The following ANTXR2 variants were observed in gnomAD, a reference collection of about 807,000 sequenced individuals.
ANTXR2 encodes the protein ANTXR cell adhesion molecule 2.
Under a neutral mutation model 73.7 loss-of-function variants are expected in ANTXR2, and 44 were observed. The observed-to-expected ratio is 0.60, with a 90% CI of 0.47 to 0.77. The LOEUF is 0.77. Among genes scored for constraint, ANTXR2 ranks in the 30% least tolerant of loss-of-function variants. The pLI is 0.00. For synonymous variants in ANTXR2, 217 were observed against 205.9 expected (o/e 1.05, Z -0.46); for missense variants, 604 against 592.5 (o/e 1.02, Z -0.20).
chr4:79,919,624 A>G (rs560129572), intron 16 of ANTXR2, among the ~76,000 whole-genome samples: 37 of 151,560 alleles, frequency 2.4e-4, no homozygotes, highest in Middle Eastern at 6.8e-3. Context: ...CGAACATCAG[A>G]CTCTGAGTTC....
chr4:80,048,033 T>A (rs1298305855), intron 7 of ANTXR2, among the ~76,000 whole-genome samples: 2 of 151,650 alleles, frequency 1.3e-5, no homozygotes. Context: ...ATACCATAAC[T>A]ACATTAGAAA....
At position 79,904,037 on chromosome 4, in the gene ANTXR2, CA is replaced by C. The variant is rs1376270352; in HGVS notation, c.*3391del. On this transcript the variant is annotated 3_prime_UTR_variant, in exon 17 of 17. Transcript: ENST00000403729. ...AATTACATTCTGCCTTCTTAAATTT[CA>C]AAAATAACATATATAAGCTGGTCTA... 1.3e-5 allele frequency: 2 copies of C among 152,024 alleles called. No homozygotes were observed. Among genetic ancestry groups the C allele is most frequent in the Non-Finnish European group, 2.9e-5 (2 of 67,964 alleles). 9.4% of individuals were successfully genotyped at this position (152,024 alleles called of 1,614,324 possible). A position where few individuals can be genotyped will look rare whatever the true frequency, so the allele number is the denominator to read the frequency against.
intron 7 of ANTXR2, among the ~76,000 whole-genome samples, chr4:80,045,028 A>G (rs974928981): frequency 6.6e-6 from 1 of 151,858 alleles, no homozygotes; most frequent in African/African-American, 2.4e-5. Flanking sequence ...TGAATTAATC[A>G]AAGCATATTT....
intron 11 of ANTXR2, among the ~76,000 whole-genome samples, chr4:80,008,955 A>G (rs1731438939): frequency 6.6e-6 from 1 of 152,234 alleles, no homozygotes; most frequent in Admixed American, 6.5e-5. Flanking sequence ...ATTTTGGTTC[A>G]AAGCAAATTA....
intron 12 of ANTXR2, among the ~76,000 whole-genome samples, chr4:80,002,807 A>G (rs1286290270): frequency 2.0e-5 from 3 of 151,692 alleles, no homozygotes; most frequent in Non-Finnish European, 4.4e-5. Context: ...AACACATGAA[A>G]AAATGCTCAC....
chr4:79,996,878 C>T (rs1009724657), intron 12 of ANTXR2, among the ~76,000 whole-genome samples: 3 of 151,918 alleles, frequency 2.0e-5, no homozygotes, highest in African/African-American at 7.2e-5. Context: ...ATTTTTTCCA[C>T]TTAGCATCCT....
At chr4:80,019,184 T>C (rs1055642285) in intron 10 of ANTXR2, among the ~76,000 whole-genome samples, 3 of 152,004 alleles carry the variant, frequency 2.0e-5, no homozygotes, top group African/African-American at 7.2e-5. Flanking sequence ...ATGGCCAACA[T>C]AGTGAAACCC....
Position 80,018,928 on chromosome 4 carries a change from T to A in ANTXR2, c.915A>T (p.Ser305=). 1 of 1,519,980 alleles carries A rather than the reference T, an allele frequency of 6.6e-7. No homozygotes were observed. The highest frequency in any genetic ancestry group is 8.8e-7 in the Non-Finnish European group (1 of 1,136,832). 94.2% of individuals were successfully genotyped at this position (1,519,980 alleles called of 1,614,324 possible). A position where few individuals can be genotyped will look rare whatever the true frequency, so the allele number is the denominator to read the frequency against. The change falls in exon 11 of 17, where the codon TCA becomes TCT. Residue 305 remains serine, a synonymous_variant. Coordinates refer to ENST00000403729, the MANE Select transcript of ANTXR2 (RefSeq NM_058172.6). ...VSFNGGKSVI[S]GSLIVTATEC... The stretch of plus-strand genomic sequence containing the variant: ...CTGTGGCTGTGACAATTAATGATCC[T>A]GAAATGACAGATTTTCCTCCATTAA...
Position 80,072,735 on chromosome 4 carries a change from G to T in ANTXR2, c.-175C>A, listed in dbSNP as rs1286242695. The T allele has an allele frequency of 3.0e-6, 4 of 1,332,274 alleles. No individual in the cohort carries two copies. The highest frequency in any genetic ancestry group is 3.8e-6 in the Non-Finnish European group (4 of 1,046,210). 82.5% of individuals were successfully genotyped at this position (1,332,274 alleles called of 1,614,324 possible). A position where few individuals can be genotyped will look rare whatever the true frequency, so the allele number is the denominator to read the frequency against. The stretch of plus-strand genomic sequence containing the variant: ...AGCTGACAGGGAGGGAGAGAGGGAG[G>T]TCCTGAGAGGACAAAGGGAGTCTCC... On this transcript the variant is annotated 5_prime_UTR_variant, in exon 1 of 17. Coordinates refer to ENST00000403729, the MANE Select transcript of ANTXR2 (RefSeq NM_058172.6).
At chr4:79,921,610 A>C (rs1307247317) in intron 16 of ANTXR2, among the ~76,000 whole-genome samples, 2 of 152,092 alleles carry the variant, frequency 1.3e-5, no homozygotes, top group African/African-American at 2.4e-5. Context: ...CTTTGTAGAA[A>C]TGTATAGTTT....
chr4:79,901,236 A>G lies in ANTXR2; in HGVS notation c.*6193T>C, dbSNP rs1211997708. ...CAGAATTTCAACTAGTAAAAATTCT[A>G]TTTACAGGTGTCATCTGCTAGAACT... On this transcript the variant is annotated 3_prime_UTR_variant, in exon 17 of 17. Coordinates refer to ENST00000403729, the MANE Select transcript of ANTXR2 (RefSeq NM_058172.6). 6.6e-6 allele frequency: 1 copy of G among 152,136 alleles called. No homozygotes were observed. Among genetic ancestry groups the G allele is most frequent in the Non-Finnish European group, 1.5e-5 (1 of 68,022 alleles). The allele number at this position is 152,136 out of a possible 1,614,324, so 9.4% of individuals were successfully genotyped here. A position where few individuals can be genotyped will look rare whatever the true frequency, so the allele number is the denominator to read the frequency against.
intron 7 of ANTXR2, among the ~76,000 whole-genome samples, 171 bp from the exon 8 acceptor site, chr4:80,036,203 A>G (rs890005567): frequency 6.6e-6 from 1 of 152,142 alleles, no homozygotes; most frequent in Non-Finnish European, 1.5e-5. Context: ...AAACTTCTGC[A>G]CTGTATTTCA....
At chr4:80,004,679 C>A (rs1459551401) in intron 12 of ANTXR2, among the ~76,000 whole-genome samples, 1 of 152,136 alleles carries the variant, frequency 6.6e-6, no homozygotes, top group Non-Finnish European at 1.5e-5. Context: ...CCATCTAGAT[C>A]ATCCTGAATA....
Position 80,055,436 on chromosome 4 carries a change from A to T in ANTXR2, c.410T>A (p.Leu137Ter). The T allele has an allele frequency of 1.9e-6, 3 of 1,610,806 alleles. No homozygotes were observed. The highest frequency in any genetic ancestry group is 2.5e-6 in the Non-Finnish European group (3 of 1,178,140). ...AGCAATTATGATACTGGAGGTTTTC[A>T]AGCCTCCTGCTTTCTGAATTTGTTC... ...ANEQIQKAGG[L>*]KTSSIIIALT... The change falls in exon 5 of 17, where the codon TTG (leucine) becomes TAG (stop). Residue 137 changes from leucine (L) to a stop codon, truncating the protein, a stop_gained. Coordinates refer to ENST00000403729, the MANE Select transcript of ANTXR2 (RefSeq NM_058172.6). LOFTEE classifies it high-confidence loss of function.
At position 80,072,806 on chromosome 4, in the gene ANTXR2, A is replaced by C; in HGVS notation, c.-246T>G. ...CGGAACTCTTGACGAATCCCAGTGG[A>C]AGCGCGATCCAGTCCTCCCCCTCCC... On this transcript the variant is annotated 5_prime_UTR_variant, in exon 1 of 17. Coordinates refer to ENST00000403729, the MANE Select transcript of ANTXR2 (RefSeq NM_058172.6). 1 of 1,018,042 alleles carries C rather than the reference A, an allele frequency of 9.8e-7. No homozygotes were observed. Among genetic ancestry groups the C allele is most frequent in the South Asian group, 3.2e-5 (1 of 31,180 alleles). 63.1% of individuals were successfully genotyped at this position (1,018,042 alleles called of 1,614,324 possible). A position where few individuals can be genotyped will look rare whatever the true frequency, so the allele number is the denominator to read the frequency against.
chr4:80,015,966 AGG>A lies in ANTXR2; in HGVS notation c.945+2930_945+2931del, dbSNP rs1446557970. Among the ~76,000 whole-genome samples, 65 of 142,306 alleles carry A rather than the reference AGG, an allele frequency of 4.6e-4. 12 individuals carry two copies. The East Asian group carries it at 9.6e-3, about 21-fold the overall frequency. The allele number at this position is 142,306 out of a possible 152,430, so 93.4% of individuals were successfully genotyped here. On this transcript the variant is annotated intron_variant, in intron 11 of 16. Transcript: ENST00000403729. ...AGGAAAGGAAAGGAAAGGAAAGGAA[AGG>A]AAAGGAAAGGAAAGGAAAGGAAAGG...
intron 3 of ANTXR2, among the ~76,000 whole-genome samples, chr4:80,062,828 C>T (rs773735726): frequency 6.6e-6 from 1 of 152,182 alleles, no homozygotes; most frequent in Non-Finnish European, 1.5e-5. Context: ...CTGGCTCTAG[C>T]TGCTTAGCTG....
At chr4:80,047,410 T>G (rs988184497) in intron 7 of ANTXR2, among the ~76,000 whole-genome samples, 1 of 151,758 alleles carries the variant, frequency 6.6e-6, no homozygotes, top group Admixed American at 6.6e-5. Context: ...TATTTGAATA[T>G]AGTGAGCTGT....
At chr4:80,033,612 C>G (rs765334137) in intron 8 of ANTXR2, 42 bp from the exon 9 acceptor site, 1 of 1,434,096 alleles carries the variant, frequency 7.0e-7, no homozygotes, top group Non-Finnish European at 9.5e-7. Context: ...CACTGCTTTA[C>G]CAAAAAAATA....
Sources: allele counts gnomAD v4.1 joint callset (sites outside exome capture counted in the v4.1 genomes callset), GRCh38; gene constraint gnomAD v4.1.1; transcripts MANE v1.5; gene names NCBI Gene and HGNC (gene_info 2026-07-23, HGNC 2026-07-21).